The following FUBP1 variants were observed in gnomAD, a reference collection of about 807,000 sequenced individuals.
The protein encoded by FUBP1 is far upstream element binding protein 1.
FUBP1 carries 16 observed loss-of-function variants against 94.9 expected under a neutral mutation model. The observed-to-expected ratio is 0.17, with a 90% CI of 0.11 to 0.26. The LOEUF (loss-of-function observed/expected upper bound fraction) is 0.26, where lower values mean the gene tolerates loss of function less well. Among genes scored for constraint, FUBP1 ranks in the 10% least tolerant of loss-of-function variants. The probability of loss-of-function intolerance (pLI) is 1.00; values close to 1 mark genes in which losing one functional copy is unlikely to be tolerated. For synonymous variants in FUBP1, 279 were observed against 254.9 expected (o/e 1.09, Z -0.90); for missense variants, 583 against 808.6 (o/e 0.72, Z 3.38).
chr1:77,947,246 A>G lies in FUBP1; in HGVS notation c.*1520T>C. 1 of 287,252 alleles carries G rather than the reference A, an allele frequency of 3.5e-6. No homozygotes were observed. The highest frequency in any genetic ancestry group is 6.8e-6 in the Non-Finnish European group (1 of 147,728). 17.8% of individuals were successfully genotyped at this position (287,252 alleles called of 1,614,324 possible). On this transcript the variant is annotated 3_prime_UTR_variant, in exon 20 of 20. Transcript: ENST00000370768. Reference sequence around the variant, plus strand: ...TCTTTAGCTATAGCTAAAGCATATAAAAAATACTTACCCATTAAGCTCACT... The same window carrying G: ...TCTTTAGCTATAGCTAAAGCATATAGAAAATACTTACCCATTAAGCTCACT...
intron 1 of FUBP1, among the ~76,000 whole-genome samples, chr1:77,977,597 G>A (rs1357172587): frequency 6.6e-6 from 1 of 152,126 alleles, no homozygotes; most frequent in East Asian, 1.9e-4. Flanking sequence ...TGCTGGTTCT[G>A]GTAAAATAAA....
intron 1 of FUBP1, among the ~76,000 whole-genome samples, chr1:77,973,899 T>C (rs1236639412): frequency 6.6e-6 from 1 of 152,184 alleles, no homozygotes; most frequent in East Asian, 1.9e-4. Context: ...CAGTGTATTG[T>C]TGTAATTGTT....
intron 2 of FUBP1, chr1:77,969,130 ATCATTAGC>A (rs1657043421): frequency 1.4e-6 from 1 of 706,980 alleles, no homozygotes; most frequent in South Asian, 1.6e-5. Context: ...CATCTGAAGC[ATCATTAGC>A]TCATTTTTTT....
At position 77,948,734 on chromosome 1, in the gene FUBP1, A is replaced by C; in HGVS notation, c.*32T>G. The C allele has an allele frequency of 6.3e-7, 1 of 1,599,540 alleles. No individual in the cohort carries two copies. The highest frequency in any genetic ancestry group is 8.5e-7 in the Non-Finnish European group (1 of 1,174,740). On this transcript the variant is annotated 3_prime_UTR_variant, in exon 20 of 20. Coordinates refer to ENST00000370768, the MANE Select transcript of FUBP1 (RefSeq NM_003902.5). ...TAACAAAGGTTTTTTTCCCCCACAC[A>C]ATGAAGCAAATACTGTATTGTCCAC...
At position 77,944,117 on chromosome 1, in the gene FUBP1, G is replaced by A. The variant is rs1038484266; in HGVS notation, c.*4649C>T. The A allele has an allele frequency of 2.1e-4, 39 of 188,252 alleles. No homozygotes were observed. The highest frequency in any genetic ancestry group is 3.9e-4 in the South Asian group (2 of 5,146). The allele number at this position is 188,252 out of a possible 1,614,324, so 11.7% of individuals were successfully genotyped here. A position where few individuals can be genotyped will look rare whatever the true frequency, so the allele number is the denominator to read the frequency against. ...ATGAATACAAAATTACAGCAATCAT[G>A]TGACCTTTTACATACAATGTCATTA... On this transcript the variant is annotated 3_prime_UTR_variant, in exon 20 of 20. Coordinates refer to ENST00000370768, the MANE Select transcript of FUBP1 (RefSeq NM_003902.5).
intron 10 of FUBP1, 126 bp from the exon 11 acceptor site, chr1:77,964,482 T>C (rs1447063590): frequency 1.2e-5 from 8 of 674,758 alleles, no homozygotes; most frequent in Non-Finnish European, 1.2e-5. Context: ...TATAATTCTA[T>C]ATTTATAGTA....
intron 12 of FUBP1, 139 bp downstream of exon 12, chr1:77,963,923 T>C: frequency 2.9e-6 from 2 of 692,868 alleles, no homozygotes. Context: ...TCCAAGATCT[T>C]TACCTTAAAG....
At chr1:77,959,534 A>G (rs141531171) in intron 16 of FUBP1, among the ~76,000 whole-genome samples, 74 of 152,274 alleles carry the variant, frequency 4.9e-4, no homozygotes, top group Middle Eastern at 3.4e-3. Flanking sequence ...ATATTTATAT[A>G]GACTGTTACA....
At position 77,948,773 on chromosome 1, in the gene FUBP1, C is replaced by T. The variant is rs2102229420; in HGVS notation, c.1928G>A (p.Gly643Asp). ...TGTATTGTCCACTTCTTATTATTGG[C>T]CCTGTGCAGAAGAGATACATAAGAA... ...GMPQHPPAPQ[G>D]Q The change falls in exon 20 of 20, where the codon GGC becomes GAC. Residue 643 changes from glycine (G) to aspartate (D), a missense_variant and splice_region_variant. Physicochemically the swap from Gly to Asp is moderately conservative, Grantham distance 94. Coordinates refer to ENST00000370768, the MANE Select transcript of FUBP1 (RefSeq NM_003902.5). 1 of 1,607,382 alleles carries T rather than the reference C, an allele frequency of 6.2e-7. No individual in the cohort carries two copies.
At position 77,960,102 on chromosome 1, in the gene FUBP1, T is replaced by C. The variant is rs1655178069; in HGVS notation, c.1576+82A>G. The C allele has an allele frequency of 7.1e-6, 7 of 985,838 alleles. No homozygotes were observed. The Admixed American group carries it at 1.4e-4, about 20-fold the overall frequency. 61.1% of individuals were successfully genotyped at this position (985,838 alleles called of 1,614,324 possible). A position where few individuals can be genotyped will look rare whatever the true frequency, so the allele number is the denominator to read the frequency against. ...TGAGTGAAGGTGATGCATACAAATG[T>C]AGAATCAACACTAGAAAATTTAATA... On this transcript the variant is annotated intron_variant, in intron 16 of 19. Coordinates refer to ENST00000370768, the MANE Select transcript of FUBP1 (RefSeq NM_003902.5).
intron 3 of FUBP1, among the ~76,000 whole-genome samples, 154 bp from the exon 4 acceptor site, chr1:77,967,820 T>A (rs897756108): frequency 6.6e-6 from 1 of 152,176 alleles, no homozygotes; most frequent in African/African-American, 2.4e-5. Flanking sequence ...ATATTTATAT[T>A]GGCATTGACA....
intron 1 of FUBP1, 65 bp downstream of exon 1, chr1:77,978,820 G>A: frequency 1.3e-6 from 2 of 1,596,844 alleles, no homozygotes; most frequent in Non-Finnish European, 8.6e-7. Context: ...TAAGGGTAGC[G>A]GCCTACTCAG....
At chr1:77,964,808 G>A in intron 9 of FUBP1, 61 bp from the exon 10 acceptor site, 25 of 1,477,144 alleles carry the variant, frequency 1.7e-5, no homozygotes, top group Non-Finnish European at 2.4e-5. Context: ...AATTATTCAT[G>A]CATATTTTGC....
At chr1:77,974,059 A>G (rs1289774120) in intron 1 of FUBP1, among the ~76,000 whole-genome samples, 1 of 152,092 alleles carries the variant, frequency 6.6e-6, no homozygotes, top group Non-Finnish European at 1.5e-5. Flanking sequence ...TCCCAAGTTC[A>G]AGCAATCCTC....
intron 14 of FUBP1, 132 bp from the exon 15 acceptor site, chr1:77,960,627 CTCAT>C (rs1283229401): frequency 5.8e-6 from 4 of 683,954 alleles, no homozygotes; most frequent in Admixed American, 3.8e-5. Flanking sequence ...CCTTCCTTTC[CTCAT>C]TCATTTTGCA....
chr1:77,951,088 T>TA (rs1558020987), intron 18 of FUBP1, among the ~76,000 whole-genome samples: 1 of 152,168 alleles, frequency 6.6e-6, no homozygotes, highest in African/African-American at 2.4e-5. Flanking sequence ...GGTGTGACAA[T>TA]AGCAATAAAA....
chr1:77,958,434 C>T (rs1446395486), intron 16 of FUBP1, among the ~76,000 whole-genome samples: 1 of 152,148 alleles, frequency 6.6e-6, no homozygotes, highest in African/African-American at 2.4e-5. Context: ...CTACATAAAT[C>T]CATTAACAGA....
rs142859859 is a variant in FUBP1, at chr1:77,976,233, G to A, written c.120+2652C>T. On this transcript the variant is annotated intron_variant, in intron 1 of 19. Transcript: ENST00000370768. ...ATTAACCTAACTTTTGTCTAAGTAC[G>A]CTTCTGTATATTCCACTTATATCAT... Among the ~76,000 whole-genome samples the A allele has an allele frequency of 3.1e-3, 474 of 152,254 alleles. 2 individuals are homozygous for A. Among genetic ancestry groups the A allele is most frequent in the African/African-American group, 0.011 (455 of 41,544 alleles).
intron 1 of FUBP1, among the ~76,000 whole-genome samples, chr1:77,970,754 T>C (rs561095768): frequency 4.6e-5 from 7 of 152,292 alleles, no homozygotes; most frequent in East Asian, 3.9e-4. Context: ...ATTTAAGAAA[T>C]ACCCAGCTTT....
Sources: allele counts gnomAD v4.1 joint callset (sites outside exome capture counted in the v4.1 genomes callset), GRCh38; gene constraint gnomAD v4.1.1; transcripts MANE v1.5; gene names NCBI Gene and HGNC (gene_info 2026-07-23, HGNC 2026-07-21).